Variants in LOXHD1 observed in about 807,000 individuals in gnomAD.
LOXHD1 encodes lipoxygenase homology PLAT domains 1, also known as lipoxygenase homology domain-containing protein 1.
A neutral mutation model predicts 248.2 loss-of-function variants in LOXHD1; 205 were observed. That is an observed-to-expected ratio of 0.83 (90% CI 0.74 to 0.93). The LOEUF is 0.93. Ranked by LOEUF, LOXHD1 falls within the 40% of genes least tolerant of loss-of-function variation. LOXHD1 has a pLI of 0.00. For missense variants in LOXHD1, 2,930 were observed against 2,971.6 expected (o/e 0.99, Z 0.33); for synonymous variants, 1,113 against 1,162.8 (o/e 0.96, Z 0.87).
intron 4 of LOXHD1, among the ~76,000 whole-genome samples, chr18:46,628,126 A>G (rs2038769853): frequency 6.6e-6 from 1 of 152,240 alleles, no homozygotes; most frequent in Non-Finnish European, 1.5e-5. Context: ...CTGTGTGACC[A>G]AGAGCAAGGG....
rs1263725513 is a variant in LOXHD1 at position 46,479,778 on chromosome 18, A to AC, written c.6342-1827_6342-1826insG. On this transcript the variant is annotated intron_variant, in intron 40 of 40. Coordinates refer to ENST00000642948, the MANE Select transcript of LOXHD1 (RefSeq NM_001384474.1). ...ATTCTTAACAGAAAAAAAAAAAAAC[A>AC]AAAAAAAAAACACCTTTGGTTTTTT... Among the ~76,000 whole-genome samples the AC allele has an allele frequency of 2.9e-3, 413 of 140,970 alleles. 9 individuals carry two copies. Among genetic ancestry groups the AC allele is most frequent in the Non-Finnish European group, 3.2e-3 (203 of 64,442 alleles). The allele number at this position is 140,970 out of a possible 152,430, so 92.5% of individuals were successfully genotyped here. A position where few individuals can be genotyped will look rare whatever the true frequency, so the allele number is the denominator to read the frequency against.
intron 5 of LOXHD1, among the ~76,000 whole-genome samples, chr18:46,614,718 T>TAATAAATAAATA (rs67053766): frequency 0.01 from 1,555 of 149,840 alleles, 18 homozygotes; most frequent in East Asian, 0.074. Flanking sequence ...TAAAGTATAA[T>TAATAAATAAATA]AATAAATAAA....
chr18:46,589,402 C>G (rs1443556530), intron 12 of LOXHD1, among the ~76,000 whole-genome samples: 1 of 152,194 alleles, frequency 6.6e-6, no homozygotes, highest in East Asian at 1.9e-4. Context: ...TTCTTTAAAA[C>G]AGATTCTTTT....
intron 21 of LOXHD1, among the ~76,000 whole-genome samples, chr18:46,551,459 T>C (rs1329341851): frequency 6.6e-6 from 1 of 152,160 alleles, no homozygotes; most frequent in East Asian, 1.9e-4. Flanking sequence ...ACGTTCTTTA[T>C]TCTAGCATTC....
intron 12 of LOXHD1, among the ~76,000 whole-genome samples, chr18:46,588,808 G>A (rs16939665): frequency 0.015 from 2,211 of 152,198 alleles, 53 homozygotes; most frequent in African/African-American, 0.05. Context: ...TTGTCTCTCC[G>A]TTCCATCCTC....
intron 26 of LOXHD1, among the ~76,000 whole-genome samples, chr18:46,537,095 T>G (rs2036346169): frequency 6.6e-6 from 1 of 152,222 alleles, no homozygotes; most frequent in South Asian, 2.1e-4. Context: ...ATGCCTTTCC[T>G]CCTTGTCCCT....
intron 14 of LOXHD1, 124 bp from the exon 15 acceptor site, chr18:46,572,286 C>T: frequency 1.2e-6 from 1 of 843,544 alleles, no homozygotes; most frequent in South Asian, 1.5e-5. Flanking sequence ...TGAAATGATT[C>T]TATGGGAGCA....
At position 46,524,612 on chromosome 18, in the gene LOXHD1, G is replaced by C. The variant is rs181095005; in HGVS notation, c.4741-11C>G. The C allele has an allele frequency of 1.4e-5, 21 of 1,551,732 alleles. No homozygotes were observed. In the African/African-American group the frequency reaches 2.9e-4, roughly 21 times the overall value. On this transcript the variant is annotated splice_polypyrimidine_tract_variant and intron_variant, in intron 30 of 40. Transcript: ENST00000642948. ...GTCCCCAGTGTACTCCTGTGTGGGA[G>C]AGCAGGACTGGCAGTTGCAGCTCCA...
chr18:46,631,416 G>C (rs1161582252), intron 4 of LOXHD1, among the ~76,000 whole-genome samples: 2 of 152,182 alleles, frequency 1.3e-5, no homozygotes, highest in Non-Finnish European at 2.9e-5. Flanking sequence ...CTGCCCGTGA[G>C]ATTCCTTACA....
intron 5 of LOXHD1, among the ~76,000 whole-genome samples, chr18:46,612,116 A>T (rs1210479569): frequency 6.6e-6 from 1 of 152,196 alleles, no homozygotes; most frequent in Non-Finnish European, 1.5e-5. Flanking sequence ...TAAAGGAAAC[A>T]CTGTTGTCTA....
At chr18:46,528,507 A>C (rs2035921262) in intron 29 of LOXHD1, among the ~76,000 whole-genome samples, 1 of 152,124 alleles carries the variant, frequency 6.6e-6, no homozygotes, top group African/African-American at 2.4e-5. Context: ...TGTGGTTTTC[A>C]AGCCTTTTTA....
At chr18:46,545,004 A>G (rs988213) in intron 23 of LOXHD1, 176,555 of 487,516 alleles carry the variant, frequency 0.36, 35,358 homozygotes, top group East Asian at 0.59. Flanking sequence ...ACAACTCTAC[A>G]ATGCCTGGAG....
rs955408829 is a variant in LOXHD1 at position 46,477,644 on chromosome 18, C to A, written c.6650G>T (p.Arg2217Leu). The stretch of plus-strand genomic sequence containing the variant: ...GCTGTCGTGCTCCAGGCGCACCTTG[C>A]GCAGCTCACCCAGCTCCAGCGTCTC... Reference protein sequence around the residue: ...FLETLELGELRKVRLEHDSSG... With the variant: ...FLETLELGELLKVRLEHDSSG... The change falls in exon 41 of 41, where the codon CGC becomes CTC. Residue 2217 changes from arginine to leucine, a missense_variant. Transcript: ENST00000642948. 1.9e-6 allele frequency: 3 copies of A among 1,551,790 alleles called. No homozygotes were observed. The highest frequency in any genetic ancestry group is 2.6e-6 in the Non-Finnish European group (3 of 1,147,032).
At chr18:46,477,011 T>A, downstream of LOXHD1, 1 of 604,922 alleles carries the variant, frequency 1.7e-6, no homozygotes, top group Non-Finnish European at 3.0e-6. Flanking sequence ...GGGAAAAGTA[T>A]ACACTTCTTA....
chr18:46,530,594 C>T (rs71364545), intron 28 of LOXHD1, among the ~76,000 whole-genome samples: 20,921 of 152,108 alleles, frequency 0.14, 1,550 homozygotes, highest in South Asian at 0.23. Flanking sequence ...AGGGGATTCC[C>T]CTCCCTGCCG....
At position 46,522,214 on chromosome 18, in the gene LOXHD1, G is replaced by C; in HGVS notation, c.4972C>G (p.Arg1658Gly). ...FIFLIGEDDERSKRIWLDYPR... is the reference protein window; with the variant it reads ...FIFLIGEDDEGSKRIWLDYPR... ...TAGTCCAACCAGATGCGCTTACTAC[G>C]TTCATCATCCTCCCCGATGAGAAAG... Residue 1658 changes from arginine (R) to glycine (G), a missense_variant, in exon 32 of 41, where the codon CGT (arginine) becomes GGT (glycine). Transcript: ENST00000642948. 1 of 1,551,766 alleles carries C rather than the reference G, an allele frequency of 6.4e-7. No individual in the cohort carries two copies.
chr18:46,650,074 G>A (rs542647583), intron 1 of LOXHD1, among the ~76,000 whole-genome samples: 72 of 152,178 alleles, frequency 4.7e-4, no homozygotes, highest in African/African-American at 1.7e-3. Flanking sequence ...CCTGGGGAAG[G>A]TTGCTGCCAC....
chr18:46,487,014 G>C (rs574246452), intron 38 of LOXHD1, among the ~76,000 whole-genome samples: 1 of 152,300 alleles, frequency 6.6e-6, no homozygotes, highest in South Asian at 2.1e-4. Flanking sequence ...TTGCTGGGAA[G>C]GAACAGATGA....
At chr18:46,495,403 A>T (rs2045086066) in intron 37 of LOXHD1, among the ~76,000 whole-genome samples, 1 of 151,460 alleles carries the variant, frequency 6.6e-6, no homozygotes, top group Admixed American at 6.6e-5. Flanking sequence ...GAAAAATTCT[A>T]GCTACTAAAT....
Sources: gnomAD v4.1 joint callset for allele counts (sites outside exome capture counted in the v4.1 genomes callset) on GRCh38, gnomAD v4.1.1 for gene constraint, MANE v1.5 for transcripts, NCBI Gene and HGNC (gene_info 2026-07-23, HGNC 2026-07-21) for gene names.